KCNQ5: variants seen among roughly 807,000 people sequenced by gnomAD.
KCNQ5 encodes the protein potassium voltage-gated channel subfamily Q member 5.
A neutral mutation model predicts 98.2 loss-of-function variants in KCNQ5; 30 were observed. The ratio of observed to expected loss-of-function variants is 0.31; its 90% CI spans 0.23 to 0.41. The LOEUF is 0.41. KCNQ5 is among the 10% of genes least tolerant of loss of function. The pLI is 1.00. For missense variants in KCNQ5, 835 were observed against 1,182.5 expected (o/e 0.71, Z 4.31); for synonymous variants, 458 against 449.4 (o/e 1.02, Z -0.24).
Position 73,195,090 on chromosome 6 carries a change from C to T in KCNQ5, c.2475C>T (p.Asp825=). 6.2e-7 allele frequency: 1 copy of T among 1,614,216 alleles called. No homozygotes were observed. Among genetic ancestry groups the T allele is most frequent in the African/African-American group, 1.3e-5 (1 of 75,060 alleles). Residue 825 remains aspartate (D), a synonymous_variant, in exon 14 of 14, where the codon GAC becomes GAT. Coordinates refer to ENST00000370398, the MANE Select transcript of KCNQ5 (RefSeq NM_019842.4). ...CTGTCTGTCCCATGGTGCCGAAGGA[C>T]TTGGGCAAATCTTTGTCTGTGCAAA... ...LLSVCPMVPK[D]LGKSLSVQNL... is the part of the protein sequence containing the mutation.
chr6:72,774,031 A>G (rs769541355), intron 1 of KCNQ5, among the ~76,000 whole-genome samples: 6 of 152,174 alleles, frequency 3.9e-5, no homozygotes, highest in Non-Finnish European at 8.8e-5. Context: ...TTCCCCCAGC[A>G]AGAACTGCAA....
chr6:72,864,888 C>T (rs1204930444), intron 1 of KCNQ5, among the ~76,000 whole-genome samples: 1 of 152,098 alleles, frequency 6.6e-6, no homozygotes, highest in East Asian at 1.9e-4. Flanking sequence ...GTCAGAAAAA[C>T]TGACATGTAT....
rs1174234327 is a variant in KCNQ5, at chr6:72,804,115, G to A, written c.398+181528G>A. On this transcript the variant is annotated intron_variant, in intron 1 of 13. Coordinates refer to ENST00000370398, the MANE Select transcript of KCNQ5 (RefSeq NM_019842.4). Reference sequence around the variant, plus strand: ...ACATAGTTGGTTGCTACATTTATAGGGCATACAAGGCATGATAATCACATC... The same window carrying A: ...ACATAGTTGGTTGCTACATTTATAGAGCATACAAGGCATGATAATCACATC... 3.3e-5 allele frequency among the ~76,000 whole-genome samples: 5 copies of A among 151,714 alleles called. No homozygotes were observed. In the East Asian group the frequency reaches 7.7e-4, roughly 23 times the overall value.
chr6:73,096,204 T>C (rs1774487928), intron 5 of KCNQ5, among the ~76,000 whole-genome samples: 1 of 152,054 alleles, frequency 6.6e-6, no homozygotes, highest in Non-Finnish European at 1.5e-5. Context: ...ACTAAGCCAG[T>C]CTTGGGAAGT....
chr6:72,635,125 C>G (rs181343602), intron 1 of KCNQ5, among the ~76,000 whole-genome samples: 101 of 151,714 alleles, frequency 6.7e-4, no homozygotes, highest in Admixed American at 1.6e-3. Flanking sequence ...CACCCACACT[C>G]AAGCAATTCT....
intron 5 of KCNQ5, among the ~76,000 whole-genome samples, chr6:73,100,069 T>G (rs1028922727): frequency 6.6e-6 from 1 of 152,138 alleles, no homozygotes; most frequent in Non-Finnish European, 1.5e-5. Flanking sequence ...CACATGTAAA[T>G]TAAACAATAT....
chr6:73,089,342 T>C (rs1440258259), intron 5 of KCNQ5, among the ~76,000 whole-genome samples: 2 of 152,142 alleles, frequency 1.3e-5, no homozygotes, highest in Non-Finnish European at 2.9e-5. Flanking sequence ...TTTTTGTTGT[T>C]GTTGATTTTC....
chr6:73,072,428 T>C (rs912867357), intron 3 of KCNQ5, among the ~76,000 whole-genome samples: 1 of 152,218 alleles, frequency 6.6e-6, no homozygotes, highest in Non-Finnish European at 1.5e-5. Flanking sequence ...ACACAGTCCA[T>C]CAGGTTCAGA....
intron 1 of KCNQ5, among the ~76,000 whole-genome samples, chr6:72,672,039 A>G (rs1767142551): frequency 6.6e-6 from 1 of 151,212 alleles, no homozygotes; most frequent in African/African-American, 2.4e-5. Flanking sequence ...GATGGTCTCA[A>G]TCTTCTGACC....
At chr6:73,110,772 T>A (rs1032655475) in intron 6 of KCNQ5, among the ~76,000 whole-genome samples, 2 of 152,176 alleles carry the variant, frequency 1.3e-5, no homozygotes, top group Non-Finnish European at 2.9e-5. Flanking sequence ...TTTTATACAG[T>A]CCTCTCTCCT....
At chr6:72,701,376 T>C (rs1428935679) in intron 1 of KCNQ5, among the ~76,000 whole-genome samples, 1 of 152,166 alleles carries the variant, frequency 6.6e-6, no homozygotes, top group Admixed American at 6.5e-5. Context: ...CTTTAGACAA[T>C]TTTTTTAACT....
rs1772384463 is a variant in KCNQ5 at position 72,763,345 on chromosome 6, A to T, written c.398+140758A>T. On this transcript the variant is annotated intron_variant, in intron 1 of 13. Coordinates refer to ENST00000370398, the MANE Select transcript of KCNQ5 (RefSeq NM_019842.4). ...CTATCTGTGTAGACATTTAAAAGAA[A>T]CAGTGTGGGAGTTAAAATTACAGGT... is the stretch of plus-strand genomic sequence containing the variant. Among the ~76,000 whole-genome samples the T allele has an allele frequency of 2.0e-5, 3 of 152,020 alleles. No individual in the cohort carries two copies. The South Asian group carries it at 6.2e-4, about 31-fold the overall frequency.
chr6:72,852,183 T>C (rs1777290263), intron 1 of KCNQ5, among the ~76,000 whole-genome samples: 1 of 152,116 alleles, frequency 6.6e-6, no homozygotes, highest in Non-Finnish European at 1.5e-5. Flanking sequence ...GATATTTATA[T>C]AAACATGAAT....
At chr6:73,056,523 T>C (rs369948289) in intron 3 of KCNQ5, among the ~76,000 whole-genome samples, 1 of 152,068 alleles carries the variant, frequency 6.6e-6, no homozygotes, top group East Asian at 1.9e-4. Context: ...CTCATACCAA[T>C]ATGGGGTAAG....
At chr6:72,783,699 A>G (rs982557439) in intron 1 of KCNQ5, among the ~76,000 whole-genome samples, 2 of 152,252 alleles carry the variant, frequency 1.3e-5, no homozygotes, top group Non-Finnish European at 2.9e-5. Context: ...CTCTAGTTAT[A>G]TCAACATTAC....
chr6:73,193,464 A>AAAAATAAAATAAAAT (rs397976608), intron 13 of KCNQ5, among the ~76,000 whole-genome samples: 4,315 of 126,662 alleles, frequency 0.034, 182 homozygotes, highest in African/African-American at 0.084. Flanking sequence ...TGTCTCTACT[A>AAAAATAAAATAAAAT]AAAATAAAAT....
chr6:72,708,903 A>G (rs1368784030), intron 1 of KCNQ5, among the ~76,000 whole-genome samples: 1 of 152,200 alleles, frequency 6.6e-6, no homozygotes, highest in African/African-American at 2.4e-5. Flanking sequence ...TGGCTCAAGT[A>G]CTTTTCAGGA....
intron 1 of KCNQ5, among the ~76,000 whole-genome samples, chr6:72,854,723 C>T (rs1189174159): frequency 8.4e-5 from 1 of 11,920 alleles, no homozygotes; most frequent in African/African-American, 1.9e-4. Flanking sequence ...TTTCTTTGTA[C>T]ACACACACAC....
chr6:73,154,839 T>G (rs1033955228), intron 10 of KCNQ5, among the ~76,000 whole-genome samples: 1 of 152,164 alleles, frequency 6.6e-6, no homozygotes, highest in Non-Finnish European at 1.5e-5. Flanking sequence ...AAATTTTGGG[T>G]TTTTTTCACA....
Sources: allele counts gnomAD v4.1 joint callset (sites outside exome capture counted in the v4.1 genomes callset), GRCh38; gene constraint gnomAD v4.1.1; transcripts MANE v1.5; gene names NCBI Gene and HGNC (gene_info 2026-07-23, HGNC 2026-07-21).